Variants in B3GALT1 observed in about 807,000 individuals in gnomAD.
B3GALT1 encodes the protein UDP-Gal:betaGlcNAc beta 1,3-galactosyltransferase, polypeptide 1.
In B3GALT1, 10 loss-of-function variants were observed where a neutral mutation model predicts 23.2. The observed-to-expected ratio is 0.43, with a 90% CI of 0.27 to 0.73. B3GALT1 has a LOEUF of 0.73. Ranked by LOEUF, B3GALT1 falls within the 30% of genes least tolerant of loss-of-function variation. The pLI, the probability that B3GALT1 is intolerant of heterozygous loss-of-function variation, is 0.21. For missense variants in B3GALT1, 299 were observed against 405.4 expected (o/e 0.74, Z 2.25); for synonymous variants, 156 against 141.5 (o/e 1.10, Z -0.73).
chr2:167,319,706 A>G (rs1696778266), intron 1 of B3GALT1, among the ~76,000 whole-genome samples: 1 of 152,126 alleles, frequency 6.6e-6, no homozygotes, highest in South Asian at 2.1e-4. Context: ...AAAAAGATAT[A>G]TATAATGTTT....
chr2:167,665,051 G>A (rs1239594933), intron 3 of B3GALT1, among the ~76,000 whole-genome samples: 1 of 151,944 alleles, frequency 6.6e-6, no homozygotes, highest in African/African-American at 2.4e-5. Context: ...AGTTTTCAAA[G>A]GGAATGCTTC....
At chr2:167,498,763 C>A (rs1458076431) in intron 2 of B3GALT1, among the ~76,000 whole-genome samples, 4 of 152,062 alleles carry the variant, frequency 2.6e-5, no homozygotes, top group Non-Finnish European at 5.9e-5. Context: ...TATTCCAAGT[C>A]AATTCTTTGC....
intron 3 of B3GALT1, among the ~76,000 whole-genome samples, chr2:167,747,453 G>A (rs1687669681): frequency 6.6e-6 from 1 of 152,166 alleles, no homozygotes; most frequent in South Asian, 2.1e-4. Flanking sequence ...AGAAAAATTA[G>A]ACAGATACAG....
chr2:167,736,950 A>G (rs1687502844), intron 3 of B3GALT1, among the ~76,000 whole-genome samples: 1 of 151,730 alleles, frequency 6.6e-6, no homozygotes, highest in Non-Finnish European at 1.5e-5. Context: ...CCCCCAAAAA[A>G]AGAATTAAAC....
At chr2:167,793,387 G>A (rs923001430) in intron 3 of B3GALT1, among the ~76,000 whole-genome samples, 1 of 152,190 alleles carries the variant, frequency 6.6e-6, no homozygotes, top group African/African-American at 2.4e-5. Flanking sequence ...GAGTGGCTTA[G>A]ATCACTGTGA....
intron 3 of B3GALT1, among the ~76,000 whole-genome samples, chr2:167,729,701 C>A (rs1393015544): frequency 6.6e-6 from 1 of 152,092 alleles, no homozygotes; most frequent in Non-Finnish European, 1.5e-5. Flanking sequence ...TCATCACATC[C>A]ATCCGTCCTT....
intron 2 of B3GALT1, among the ~76,000 whole-genome samples, chr2:167,644,409 A>G (rs984607850): frequency 2.6e-5 from 4 of 152,166 alleles, no homozygotes; most frequent in African/African-American, 9.6e-5. Context: ...ATAATTTTCC[A>G]GTAAAAAGCC....
At chr2:167,575,486 C>T (rs1684364751) in intron 2 of B3GALT1, among the ~76,000 whole-genome samples, 2 of 151,746 alleles carry the variant, frequency 1.3e-5, no homozygotes, top group Non-Finnish European at 3.0e-5. Context: ...GAGTACAGAG[C>T]TCTTTGGCAC....
intron 1 of B3GALT1, among the ~76,000 whole-genome samples, chr2:167,343,484 A>G (rs1697181818): frequency 6.6e-6 from 1 of 152,170 alleles, no homozygotes; most frequent in Non-Finnish European, 1.5e-5. Flanking sequence ...AAGCAACTAC[A>G]CTGACATGAT....
chr2:167,472,469 C>T (rs1699430576), intron 1 of B3GALT1, among the ~76,000 whole-genome samples: 1 of 152,182 alleles, frequency 6.6e-6, no homozygotes, highest in African/African-American at 2.4e-5. Flanking sequence ...TCTAATCTCA[C>T]TGTGGGCACT....
chr2:167,366,831 T>G (rs576798292), intron 1 of B3GALT1, among the ~76,000 whole-genome samples: 1 of 152,320 alleles, frequency 6.6e-6, no homozygotes, highest in African/African-American at 2.4e-5. Flanking sequence ...AGCTAGAAAC[T>G]TCAGACCTCC....
intron 1 of B3GALT1, among the ~76,000 whole-genome samples, chr2:167,394,141 A>G (rs909208113): frequency 2.6e-5 from 4 of 152,182 alleles, no homozygotes; most frequent in African/African-American, 9.7e-5. Context: ...CCTTTTAACA[A>G]TGAAATGTCC....
chr2:167,554,950 G>A (rs1683816866), intron 2 of B3GALT1, among the ~76,000 whole-genome samples: 1 of 152,128 alleles, frequency 6.6e-6, no homozygotes, highest in African/African-American at 2.4e-5. Context: ...ATATCAGGCA[G>A]TGAAATATAA....
At chr2:167,443,687 G>C (rs1280586418) in intron 1 of B3GALT1, among the ~76,000 whole-genome samples, 1 of 152,066 alleles carries the variant, frequency 6.6e-6, no homozygotes, top group South Asian at 2.1e-4. Context: ...TGGGTATATA[G>C]GAATGTTTGT....
At chr2:167,792,702 A>G (rs12992085) in intron 3 of B3GALT1, among the ~76,000 whole-genome samples, 14,731 of 152,102 alleles carry the variant, frequency 0.097, 1,057 homozygotes, top group African/African-American at 0.2. Context: ...TTGAGTGGAA[A>G]AATAATGGGA....
intron 1 of B3GALT1, among the ~76,000 whole-genome samples, chr2:167,460,131 T>C (rs548433598): frequency 6.6e-6 from 1 of 152,364 alleles, no homozygotes; most frequent in African/African-American, 2.4e-5. Flanking sequence ...TTGAGTTTCA[T>C]AGAAGTTTAT....
intron 1 of B3GALT1, among the ~76,000 whole-genome samples, chr2:167,397,357 A>T (rs1464477874): frequency 6.6e-6 from 1 of 151,764 alleles, no homozygotes; most frequent in Non-Finnish European, 1.5e-5. Context: ...CAAAATGCTG[A>T]GCCCATTTTT....
intron 2 of B3GALT1, among the ~76,000 whole-genome samples, chr2:167,521,962 A>T (rs548268011): frequency 7.3e-6 from 1 of 136,908 alleles, no homozygotes; most frequent in Non-Finnish European, 1.5e-5. Context: ...GACATTACCA[A>T]CATATATGTG....
intron 3 of B3GALT1, among the ~76,000 whole-genome samples, chr2:167,792,670 C>T (rs745357201): frequency 8.0e-4 from 121 of 152,080 alleles, no homozygotes; most frequent in Non-Finnish European, 1.5e-3. Flanking sequence ...CCATTTCTAA[C>T]AGTAAGACAC....
Sources: allele counts gnomAD v4.1 joint callset (sites outside exome capture counted in the v4.1 genomes callset), GRCh38; gene constraint gnomAD v4.1.1; transcripts MANE v1.5; gene names NCBI Gene and HGNC (gene_info 2026-07-23, HGNC 2026-07-21).